FAM133B: variants seen among roughly 807,000 people sequenced by gnomAD.
FAM133B encodes protein FAM133B.
A neutral mutation model predicts 46.4 loss-of-function variants in FAM133B; 25 were observed. The ratio of observed to expected loss-of-function variants is 0.54; its 90% CI spans 0.39 to 0.75. FAM133B has a LOEUF of 0.75. FAM133B is among the 30% of genes least tolerant of loss of function. The pLI, the probability that FAM133B is intolerant of heterozygous loss-of-function variation, is 0.00. For synonymous variants in FAM133B, 75 were observed against 86.0 expected, an observed-to-expected ratio of 0.87 and a Z score of 0.71; for missense variants, 205 against 277.6, an observed-to-expected ratio of 0.74 and a Z score of 1.86.
At chr7:92,584,047 CAAAAAA>C (rs765172200) in intron 1 of FAM133B, among the ~76,000 whole-genome samples, 5 of 36,812 alleles carry the variant, frequency 1.4e-4, no homozygotes, top group African/African-American at 1.9e-4. Context: ...AAGACTGTCT[CAAAAAA>C]AAAAAAAAAA....
At position 92,562,204 on chromosome 7, in the gene FAM133B, A is replaced by G. The variant is rs1794179092; in HGVS notation, c.*78T>C. 1.4e-6 allele frequency: 2 copies of G among 1,434,534 alleles called. No homozygotes were observed. The highest frequency in any genetic ancestry group is 1.4e-5 in the South Asian group (1 of 74,062). The allele number at this position is 1,434,534 out of a possible 1,614,324, so 88.9% of individuals were successfully genotyped here. A position where few individuals can be genotyped will look rare whatever the true frequency, so the allele number is the denominator to read the frequency against. ...CAAGAAAATTCATGCATTTTAGTAA[A>G]TATGTTGTAGTTTTCACAGTTGAAA... On this transcript the variant is annotated 3_prime_UTR_variant, in exon 11 of 11. Coordinates refer to ENST00000445716, the MANE Select transcript of FAM133B (RefSeq NM_152789.4).
rs1223397739 is a variant in FAM133B, at chr7:92,578,162, CTTCTT to C, written c.292_296del (p.Lys98GlufsTer4). 6 of 1,609,428 alleles carry C rather than the reference CTTCTT, an allele frequency of 3.7e-6. No homozygotes were observed. The highest frequency in any genetic ancestry group is 2.2e-5 in the South Asian group (2 of 89,918). ...AATTTTTGCTCACCCTACCAGATTT[CTTCTT>C]TTCTTTTTTCTTTCTCTAAATGGAA... On this transcript the variant is annotated frameshift_variant, in exon 5 of 11. Transcript: ENST00000445716. LOFTEE classifies it high-confidence loss of function.
chr7:92,581,519 G>A lies in FAM133B; in HGVS notation c.109C>T (p.Pro37Ser). The change falls in exon 2 of 11, where the codon CCA (proline) becomes TCA (serine). Residue 37 changes from proline to serine, a missense_variant. Physicochemically the swap from Pro to Ser is moderately conservative, Grantham distance 74. Coordinates refer to ENST00000445716, the MANE Select transcript of FAM133B (RefSeq NM_152789.4). ...GPTIQDYLNR[P>S]RPTWEEVKEQ... is the part of the protein sequence containing the mutation. ...TTTCACAAATACCAGGTAGGCCTTG[G>A]TCGATTCAGATAATCCTGTATTGTT... 6.2e-7 allele frequency: 1 copy of A among 1,613,492 alleles called. No homozygotes were observed. Among genetic ancestry groups the A allele is most frequent in the Non-Finnish European group, 8.5e-7 (1 of 1,179,540 alleles).
At chr7:92,580,810 T>TA (rs1217988759) in intron 2 of FAM133B, among the ~76,000 whole-genome samples, 1 of 152,236 alleles carries the variant, frequency 6.6e-6, no homozygotes, top group Non-Finnish European at 1.5e-5. Context: ...CATTAAAACA[T>TA]ACTTTGTTTT....
At position 92,577,141 on chromosome 7, in the gene FAM133B, A is replaced by G. The variant is rs1233578339; in HGVS notation, c.427T>C (p.Ser143Pro). Residue 143 changes from serine (S) to proline (P), a missense_variant, in exon 7 of 11, where the codon TCT (serine) becomes CCT (proline). Coordinates refer to ENST00000445716, the MANE Select transcript of FAM133B (RefSeq NM_152789.4). Reference sequence around the variant, plus strand: ...TCAGTTTCTGACATGGAGCTTTCAGAAGATTTATGTGAACGGTTCTTCTTT... The same window carrying G: ...TCAGTTTCTGACATGGAGCTTTCAGGAGATTTATGTGAACGGTTCTTCTTT... ...KKKKNRSHKS[S>P]ESSMSETESD... The G allele has an allele frequency of 6.0e-6, 9 of 1,501,680 alleles. No individual in the cohort carries two copies. The highest frequency in any genetic ancestry group is 2.8e-5 in the African/African-American group (2 of 71,164). The allele number at this position is 1,501,680 out of a possible 1,614,324, so 93.0% of individuals were successfully genotyped here.
rs982726285 is a variant in FAM133B, at chr7:92,590,178, C to G, written c.24+90G>C. The G allele has an allele frequency of 4.4e-6, 7 of 1,601,826 alleles. No homozygotes were observed. In the African/African-American group the frequency reaches 9.4e-5, roughly 21 times the overall value. On this transcript the variant is annotated intron_variant, in intron 1 of 10. Transcript: ENST00000445716. ...CCCCACGTCTGAGGGCTGCCGCTTG[C>G]CCTCCGGCCCGGCCGGGAACAGCGA...
chr7:92,587,028 A>G (rs1429650048), intron 1 of FAM133B, among the ~76,000 whole-genome samples: 1 of 152,202 alleles, frequency 6.6e-6, no homozygotes, highest in African/African-American at 2.4e-5. Context: ...TAACAAATGT[A>G]CCACCCTGCT....
chr7:92,577,353 G>A (rs1794733668), intron 6 of FAM133B, 158 bp from the exon 7 acceptor site: 2 of 479,148 alleles, frequency 4.2e-6, no homozygotes, highest in Non-Finnish European at 7.2e-6. Flanking sequence ...CTGTTATAAA[G>A]ATCAAGTGAT....
In FAM133B at chr7:92,560,896, A is replaced by C. The variant is rs541625498; in HGVS notation, c.*1386T>G. 1.3e-5 allele frequency: 2 copies of C among 152,746 alleles called. No homozygotes were observed. The highest frequency in any genetic ancestry group is 4.8e-5 in the African/African-American group (2 of 41,588). 9.5% of individuals were successfully genotyped at this position (152,746 alleles called of 1,614,324 possible). ...CCCTTTGTAACAGGCAAAATTGTAC[A>C]TCAAGTTGTATGTCATGTTACCTGA... On this transcript the variant is annotated 3_prime_UTR_variant, in exon 11 of 11. Transcript: ENST00000445716.
intron 1 of FAM133B, among the ~76,000 whole-genome samples, chr7:92,583,540 AT>A (rs1794949279): frequency 6.6e-6 from 1 of 152,238 alleles, no homozygotes. Flanking sequence ...CAGCAGAAAA[AT>A]ATTTTAGAGA....
Position 92,578,432 on chromosome 7 carries a change from C to T in FAM133B, c.202-39G>A, listed in dbSNP as rs778576857. ...ATGAACACCATCAGAGACTATCTAACCTTTCCAATACACCTAATATACAGA... is the reference window on the plus strand; with the variant it reads ...ATGAACACCATCAGAGACTATCTAATCTTTCCAATACACCTAATATACAGA... On this transcript the variant is annotated intron_variant, in intron 3 of 10. Coordinates refer to ENST00000445716, the MANE Select transcript of FAM133B (RefSeq NM_152789.4). 4.2e-5 allele frequency: 65 copies of T among 1,554,272 alleles called. 1 individual carries two copies. In the South Asian group the frequency reaches 6.8e-4, roughly 16 times the overall value.
chr7:92,563,995 T>G (rs902253283), intron 10 of FAM133B, among the ~76,000 whole-genome samples: 26 of 152,210 alleles, frequency 1.7e-4, no homozygotes, highest in Admixed American at 6.5e-4. Context: ...TTAGGTCACC[T>G]CTTTGTTTAA....
At chr7:92,566,151 C>T in intron 9 of FAM133B, 90 bp from the exon 10 acceptor site, 1 of 1,208,932 alleles carries the variant, frequency 8.3e-7, no homozygotes, top group South Asian at 1.3e-5. Context: ...CTTGCATCTT[C>T]AAAATTTAAA....
chr7:92,565,400 C>T (rs1441263901), intron 10 of FAM133B: 1 of 151,010 alleles, frequency 6.6e-6, no homozygotes, highest in African/African-American at 2.4e-5. Context: ...GCAATCCACC[C>T]GTCTCGGCCT....
intron 1 of FAM133B, among the ~76,000 whole-genome samples, chr7:92,587,314 G>C (rs538786352): frequency 6.6e-6 from 1 of 152,248 alleles, no homozygotes; most frequent in African/African-American, 2.4e-5. Context: ...TATTCATTTT[G>C]TTGCTCCAAA....
At chr7:92,578,051 G>T in intron 5 of FAM133B, 99 bp downstream of exon 5, 1 of 1,070,802 alleles carries the variant, frequency 9.3e-7, no homozygotes, top group Non-Finnish European at 1.4e-6. Flanking sequence ...CTCATCTGGA[G>T]TTTAAGCTAC....
chr7:92,578,005 C>T, intron 5 of FAM133B, 145 bp downstream of exon 5: 1 of 741,256 alleles, frequency 1.3e-6, no homozygotes, highest in South Asian at 1.9e-5. Context: ...AGAACAAAAT[C>T]ACTCTTCACA....
rs774887169 is a variant in FAM133B at position 92,578,126 on chromosome 7, GA to G, written c.309+23del. 4.4e-6 allele frequency: 7 copies of G among 1,598,862 alleles called. No individual in the cohort carries two copies. In the East Asian group the frequency reaches 6.7e-5, roughly 15 times the overall value. On this transcript the variant is annotated intron_variant, in intron 5 of 10. Coordinates refer to ENST00000445716, the MANE Select transcript of FAM133B (RefSeq NM_152789.4). ...TGTTGGCTCTTAATTGTAACGTTTAGAAAAATGGAAAATTTTTGCTCACCCT... is the reference window on the plus strand; with the variant it reads ...TGTTGGCTCTTAATTGTAACGTTTAGAAAATGGAAAATTTTTGCTCACCCT...
chr7:92,571,935 T>C (rs1794544012), intron 8 of FAM133B, among the ~76,000 whole-genome samples: 1 of 152,224 alleles, frequency 6.6e-6, no homozygotes. Flanking sequence ...TTTAAAATTT[T>C]CTTGCAGATT....
Sources: gnomAD v4.1 joint callset for allele counts (sites outside exome capture counted in the v4.1 genomes callset) on GRCh38, gnomAD v4.1.1 for gene constraint, MANE v1.5 for transcripts, NCBI Gene and HGNC (gene_info 2026-07-23, HGNC 2026-07-21) for gene names.